MUC22: variants seen among roughly 807,000 people sequenced by gnomAD.
MUC22 encodes mucin 22.
MUC22 carries 24 observed loss-of-function variants against 40.3 expected under a neutral mutation model. The observed-to-expected ratio is 0.60, with a 90% CI of 0.43 to 0.84. The LOEUF is 0.84. Among genes scored for constraint, MUC22 ranks in the 40% least tolerant of loss-of-function variants. The pLI is 0.00. For missense variants in MUC22, 1,926 were observed against 2,130.7 expected (o/e 0.90, Z 1.89); for synonymous variants, 765 against 844.5 (o/e 0.91, Z 1.63).
At chr6:31,013,316 G>A (rs6913200) in intron 1 of MUC22, among the ~76,000 whole-genome samples, 22,059 of 151,670 alleles carry the variant, frequency 0.15, 1,770 homozygotes, top group African/African-American at 0.19. Flanking sequence ...TAGTAGAGAC[G>A]GGGTTTCATT....
intron 1 of MUC22, among the ~76,000 whole-genome samples, chr6:31,015,645 C>T (rs952238506): frequency 1.4e-4 from 21 of 152,266 alleles, no homozygotes; most frequent in African/African-American, 4.1e-4. Context: ...ATTTTAAAGG[C>T]GTTGATCCAC....
At chr6:31,027,581 C>A (rs768832785) in exon 2 of MUC22, 32 of 1,527,350 alleles carry the variant, frequency 2.1e-5, no homozygotes, top group Non-Finnish European at 4.4e-6. Context: ...GAGACCACTA[C>A]AGTCACTACC....
exon 4 of MUC22, chr6:31,034,749 G>C (rs1257770125): frequency 1.0e-5 from 16 of 1,535,592 alleles, no homozygotes; most frequent in Non-Finnish European, 1.3e-5. Flanking sequence ...GTCTGGACCT[G>C]AACTTGGGCC....
At chr6:31,026,043 G>A (rs1765278494) in exon 2 of MUC22, 4 of 1,530,362 alleles carry the variant, frequency 2.6e-6, no homozygotes, top group South Asian at 1.2e-5. Flanking sequence ...CAAGCTCTGA[G>A]GCCACTAAAG....
chr6:31,010,719 A>C, exon 1 of MUC22: 1 of 702,558 alleles, frequency 1.4e-6, no homozygotes, highest in Non-Finnish European at 2.6e-6. Context: ...GAGAAGAGGA[A>C]ATATCTCTCC....
chr6:31,017,423 G>C (rs938144666), intron 1 of MUC22, among the ~76,000 whole-genome samples: 7 of 152,124 alleles, frequency 4.6e-5, no homozygotes, highest in Non-Finnish European at 8.8e-5. Context: ...GTCTAGCTAA[G>C]GGATTGTAAA....
upstream of MUC22, among the ~76,000 whole-genome samples, chr6:31,009,800 G>A (rs1344662568): frequency 6.6e-6 from 1 of 152,186 alleles, no homozygotes; most frequent in Non-Finnish European, 1.5e-5. Context: ...AAATAGGGAC[G>A]CAGGTGAGTC....
At chr6:31,022,187 T>G (rs1466807379) in intron 1 of MUC22, among the ~76,000 whole-genome samples, 1 of 152,214 alleles carries the variant, frequency 6.6e-6, no homozygotes, top group Non-Finnish European at 1.5e-5. Context: ...ACACTCACTG[T>G]GAGGGTCTGT....
exon 2 of MUC22, chr6:31,027,910 A>T: frequency 6.5e-7 from 1 of 1,534,850 alleles, no homozygotes; most frequent in African/African-American, 1.4e-5. Context: ...TGAGACCACC[A>T]CAGACTCTAC....
At chr6:31,024,718 C>T (rs140076978) in intron 1 of MUC22, among the ~76,000 whole-genome samples, 7 of 152,168 alleles carry the variant, frequency 4.6e-5, no homozygotes, top group East Asian at 1.9e-4. Context: ...GTCTCTCTAC[C>T]GCCTCGTTTT....
exon 2 of MUC22, chr6:31,026,041 G>C: frequency 6.5e-7 from 1 of 1,530,204 alleles, no homozygotes; most frequent in Non-Finnish European, 8.7e-7. Context: ...TGCAAGCTCT[G>C]AGGCCACTAA....
At chr6:31,008,705 C>T (rs1347307591), upstream of MUC22, among the ~76,000 whole-genome samples, 1 of 151,948 alleles carries the variant, frequency 6.6e-6, no homozygotes, top group African/African-American at 2.4e-5. Flanking sequence ...CCCGCCACTA[C>T]GCCCAGCTAA....
intron 1 of MUC22, among the ~76,000 whole-genome samples, chr6:31,015,261 C>T (rs1054908189): frequency 6.6e-6 from 1 of 152,140 alleles, no homozygotes. Context: ...TAAGAATTGG[C>T]TAGCCCTGGA....
At chr6:31,030,463 G>A (rs994565746) in intron 2 of MUC22, among the ~76,000 whole-genome samples, 5 of 149,496 alleles carry the variant, frequency 3.3e-5, no homozygotes, top group African/African-American at 1.2e-4. Flanking sequence ...CTTGCAGTGA[G>A]CAGAGATCGC....
chr6:31,027,081 C>T, exon 2 of MUC22: 1 of 1,495,776 alleles, frequency 6.7e-7, no homozygotes, highest in Non-Finnish European at 8.9e-7. Flanking sequence ...TGGCATCCAC[C>T]ATGGGCTCTG....
chr6:31,010,570 G>A lies in MUC22; in HGVS notation c.-137G>A. ...ACAAGGCTTACCCTGGCACTGGCTG[G>A]CCTTTGGGTCTTTTTGTGCAACTTT... On this transcript the variant is annotated 5_prime_UTR_variant, in exon 1 of 4. An upstream open reading frame in the 5' UTR gains an earlier in-frame stop. Coordinates refer to ENST00000561890, the Ensembl canonical transcript of MUC22. The A allele has an allele frequency of 1.6e-6, 1 of 624,996 alleles. No homozygotes were observed. Among genetic ancestry groups the A allele is most frequent in the Non-Finnish European group, 2.9e-6 (1 of 346,892 alleles). The allele number at this position is 624,996 out of a possible 1,614,324, so 38.7% of individuals were successfully genotyped here. A position where few individuals can be genotyped will look rare whatever the true frequency, so the allele number is the denominator to read the frequency against.
intron 1 of MUC22, among the ~76,000 whole-genome samples, chr6:31,015,790 A>G (rs1447550072): frequency 6.6e-6 from 1 of 152,220 alleles, no homozygotes; most frequent in Non-Finnish European, 1.5e-5. Context: ...GTGTCATAGT[A>G]TGGATTCTTT....
At chr6:31,015,515 G>A (rs907959088) in intron 1 of MUC22, among the ~76,000 whole-genome samples, 3 of 152,144 alleles carry the variant, frequency 2.0e-5, no homozygotes, top group Non-Finnish European at 4.4e-5. Flanking sequence ...AGGAAGAAGA[G>A]AAAAATGGGC....
rs1194300411 is a variant in MUC22 at position 31,010,783 on chromosome 6, G to A, written c.70+7G>A. ...TTTGGACTTCTGGGACCCAGTAAGT[G>A]ACTTAGCAGTTAAGGAGGGAGAGGG... On this transcript the variant is annotated splice_region_variant and intron_variant, in intron 1 of 3. Transcript: ENST00000561890. 2 of 702,542 alleles carry A rather than the reference G, an allele frequency of 2.8e-6. No homozygotes were observed. The highest frequency in any genetic ancestry group is 3.0e-5 in the South Asian group (2 of 67,598). The allele number at this position is 702,542 out of a possible 1,614,324, so 43.5% of individuals were successfully genotyped here.
Sources: allele counts gnomAD v4.1 joint callset (sites outside exome capture counted in the v4.1 genomes callset), GRCh38; gene constraint gnomAD v4.1.1; transcripts MANE v1.5; gene names NCBI Gene and HGNC (gene_info 2026-07-23, HGNC 2026-07-21).